The following KLF8 variants were observed in gnomAD, a reference collection of about 807,000 sequenced individuals.
KLF8 encodes the protein KLF transcription factor 8.
In KLF8, 10 loss-of-function variants were observed where a neutral mutation model predicts 18.2. The ratio of observed to expected loss-of-function variants is 0.55; its 90% CI spans 0.34 to 0.93. The LOEUF is 0.93. Ranked by LOEUF, KLF8 falls within the 40% of genes least tolerant of loss-of-function variation. KLF8 has a pLI of 0.02. For missense variants in KLF8, 264 were observed against 277.9 expected, an observed-to-expected ratio of 0.95 and a Z score of 0.36; for synonymous variants, 109 against 97.3, an observed-to-expected ratio of 1.12 and a Z score of -0.71.
At chrX:56,097,486 A>G in the KLF8 span, among the ~76,000 whole-genome samples, 1 of 107,385 alleles carries the variant, frequency 9.3e-6, no homozygotes, top group Non-Finnish European at 1.9e-5. Context: ...TGTGCACCAC[A>G]CCCAGCTAAT....
the KLF8 span, among the ~76,000 whole-genome samples, chrX:56,146,674 G>C: frequency 1.9e-5 from 2 of 103,782 alleles, no homozygotes; most frequent in East Asian, 6.0e-4. Flanking sequence ...TAACAAACCT[G>C]CACGTTCTGC....
At position 56,250,291 on chromosome X, in the gene KLF8, A is replaced by G; in HGVS notation, c.68A>G (p.Gln23Arg). 1 of 1,202,324 alleles carries G rather than the reference A, an allele frequency of 8.3e-7. No individual in the cohort carries two copies. The highest frequency in any genetic ancestry group is 1.1e-6 in the Non-Finnish European group (1 of 886,865). The stretch of plus-strand genomic sequence containing the variant: ...CTTAATTCAGAAGGTGGCTCAATGC[A>G]GGTATTCAAGCAGGTCAGTTATCAG... ...VQLNSEGGSM[Q>R]VFKQVTASVR... is the part of the protein sequence containing the mutation. Residue 23 changes from glutamine (Q) to arginine (R), a missense_variant, in exon 2 of 6, where the codon CAG (glutamine) becomes CGG (arginine). By Grantham distance (43) the Gln-to-Arg change is conservative. Coordinates refer to ENST00000468660, the MANE Select transcript of KLF8 (RefSeq NM_007250.5).
At chrX:56,058,313 T>C in the KLF8 span, among the ~76,000 whole-genome samples, 29 of 76,536 alleles carry the variant, frequency 3.8e-4, no homozygotes, top group African/African-American at 1.3e-3. Flanking sequence ...TATATATATA[T>C]ATATATATAG....
the KLF8 span, among the ~76,000 whole-genome samples, chrX:56,213,151 A>G: frequency 1.8e-5 from 2 of 110,382 alleles, no homozygotes; most frequent in East Asian, 5.7e-4. Context: ...GCTTTATGGT[A>G]TAGTGAAACA....
At chrX:55,930,803 T>G in the KLF8 span, among the ~76,000 whole-genome samples, 1 of 111,583 alleles carries the variant, frequency 9.0e-6, no homozygotes, top group Non-Finnish European at 1.9e-5. Context: ...TTATTGCGGA[T>G]TTTTGCATCA....
the KLF8 span, among the ~76,000 whole-genome samples, chrX:55,929,585 T>C: frequency 4.5e-5 from 5 of 112,324 alleles, no homozygotes; most frequent in East Asian, 1.1e-3. Flanking sequence ...TTTCTGAATA[T>C]GGCTATCCAG....
intron 1 of KLF8, among the ~76,000 whole-genome samples, chrX:56,234,710 C>A (rs756718082): frequency 8.9e-6 from 1 of 112,250 alleles, no homozygotes; most frequent in Non-Finnish European, 1.9e-5. Flanking sequence ...AATGATATAA[C>A]CAACAGGACT....
At chrX:56,257,909 T>G (rs1980043904) in intron 2 of KLF8, among the ~76,000 whole-genome samples, 1 of 112,489 alleles carries the variant, frequency 8.9e-6, no homozygotes, top group Non-Finnish European at 1.9e-5. Flanking sequence ...GGTAGTTCTG[T>G]ATTAAGTTCC....
chrX:56,072,835 G>A, the KLF8 span, among the ~76,000 whole-genome samples: 10 of 111,086 alleles, frequency 9.0e-5, no homozygotes, highest in Admixed American at 4.8e-4. Context: ...AAAATCTGTC[G>A]CTCTTAGGCA....
chrX:55,911,906 G>A, the KLF8 span, among the ~76,000 whole-genome samples: 1 of 111,779 alleles, frequency 8.9e-6, no homozygotes, highest in East Asian at 2.8e-4. Flanking sequence ...TCTTAACCTT[G>A]GCCACACACT....
At chrX:56,175,786 A>G in the KLF8 span, among the ~76,000 whole-genome samples, 4 of 111,351 alleles carry the variant, frequency 3.6e-5, no homozygotes, top group Admixed American at 3.9e-4. Context: ...GTGCTCCTGT[A>G]TTGGGTGCAT....
At chrX:56,052,088 C>T in the KLF8 span, among the ~76,000 whole-genome samples, 3 of 111,997 alleles carry the variant, frequency 2.7e-5, no homozygotes, top group African/African-American at 6.5e-5. Context: ...GCATTATTCA[C>T]GTAGTTCTCA....
the KLF8 span, among the ~76,000 whole-genome samples, chrX:56,136,222 C>A: frequency 4.5e-5 from 5 of 111,517 alleles, no homozygotes; most frequent in South Asian, 3.8e-4. Flanking sequence ...GCTACCAATG[C>A]CTTTCTTCAC....
the KLF8 span, among the ~76,000 whole-genome samples, chrX:56,204,942 A>G: frequency 1.8e-5 from 2 of 111,135 alleles, no homozygotes; most frequent in African/African-American, 6.5e-5. Context: ...TGTGTTAATC[A>G]CATCCTTCCC....
chrX:56,049,316 G>A, the KLF8 span, among the ~76,000 whole-genome samples: 1 of 111,615 alleles, frequency 9.0e-6, no homozygotes, highest in East Asian at 2.8e-4. Context: ...GAATAAGAGT[G>A]GTGAGAGAAG....
chrX:56,282,961 T>C (rs2067220492), intron 5 of KLF8, among the ~76,000 whole-genome samples: 1 of 111,609 alleles, frequency 9.0e-6, no homozygotes. Context: ...AAAGTAAAAA[T>C]GAAAAGTTCT....
chrX:56,214,146 G>T, the KLF8 span, among the ~76,000 whole-genome samples: 1 of 110,421 alleles, frequency 9.1e-6, no homozygotes, highest in Non-Finnish European at 1.9e-5. Context: ...TGCCAGTGAA[G>T]CCTGGAGTTT....
chrX:56,029,192 T>C, the KLF8 span, among the ~76,000 whole-genome samples: 1 of 110,609 alleles, frequency 9.0e-6, no homozygotes, highest in African/African-American at 3.3e-5. Context: ...AGTGCCGGTT[T>C]TATCTCCTGA....
At chrX:56,098,097 TG>T in the KLF8 span, among the ~76,000 whole-genome samples, 1 of 111,508 alleles carries the variant, frequency 9.0e-6, no homozygotes, top group Non-Finnish European at 1.9e-5. Context: ...CCACAAGAAC[TG>T]GTTGTTAAAA....
Sources: gnomAD v4.1 joint callset for allele counts (sites outside exome capture counted in the v4.1 genomes callset) on GRCh38, gnomAD v4.1.1 for gene constraint, MANE v1.5 for transcripts, NCBI Gene and HGNC (gene_info 2026-07-23, HGNC 2026-07-21) for gene names.